ZFHX3: variants seen among roughly 807,000 people sequenced by gnomAD.
The protein encoded by ZFHX3 is zinc finger homeobox 3, also known as zinc finger homeobox protein 3.
Under a neutral mutation model 279.1 loss-of-function variants are expected in ZFHX3, and 42 were observed. The ratio of observed to expected loss-of-function variants is 0.15; its 90% CI spans 0.12 to 0.19. ZFHX3 has a LOEUF of 0.19. Ranked by LOEUF, ZFHX3 falls within the 10% of genes least tolerant of loss-of-function variation. The pLI is 1.00. For synonymous variants in ZFHX3, 2,293 were observed against 1,957.8 expected, an observed-to-expected ratio of 1.17 and a Z score of -4.52; for missense variants, 4,981 against 4,754.0, an observed-to-expected ratio of 1.05 and a Z score of -1.40.
chr16:73,101,164 A>G (rs1414821707), intron 7 of ZFHX3, among the ~76,000 whole-genome samples: 1 of 151,834 alleles, frequency 6.6e-6, no homozygotes, highest in Non-Finnish European at 1.5e-5. Flanking sequence ...TTCCTCTCCA[A>G]CCTGTTTGTA....
intron 2 of ZFHX3, among the ~76,000 whole-genome samples, chr16:73,501,603 C>A (rs2019239711): frequency 6.6e-6 from 1 of 152,182 alleles, no homozygotes; most frequent in African/African-American, 2.4e-5. Context: ...AACAGGAATA[C>A]AAGTCTCTTT....
At chr16:73,720,063 G>A (rs1304193266) in intron 1 of ZFHX3, among the ~76,000 whole-genome samples, 1 of 152,130 alleles carries the variant, frequency 6.6e-6, no homozygotes, top group Admixed American at 6.5e-5. Context: ...GGTTCACAAA[G>A]GAGAAATATA....
intron 4 of ZFHX3, among the ~76,000 whole-genome samples, chr16:72,846,088 C>T (rs953238936): frequency 1.2e-4 from 18 of 152,194 alleles, no homozygotes; most frequent in African/African-American, 3.6e-4. Context: ...GTGAACACAA[C>T]AGGAAAGCCC....
In ZFHX3 at chr16:73,013,588, A is replaced by G. The variant is rs141617564; in HGVS notation, c.-50+34164T>C. Among the ~76,000 whole-genome samples the G allele has an allele frequency of 7.8e-3, 1,186 of 152,266 alleles. 15 individuals carry two copies. The highest frequency in any genetic ancestry group is 0.027 in the Middle Eastern group (8 of 294). On this transcript the variant is annotated intron_variant, in intron 1 of 9. Coordinates refer to ENST00000268489, the MANE Select transcript of ZFHX3 (RefSeq NM_006885.4). ...CAGGCCTGAACCACGGTGCCTGGCC[A>G]AAAACCCTTTATAAACACTCTCTTT...
chr16:73,843,836 CA>C (rs1961377243), intron 1 of ZFHX3, among the ~76,000 whole-genome samples: 1 of 152,192 alleles, frequency 6.6e-6, no homozygotes, highest in Non-Finnish European at 1.5e-5. Flanking sequence ...TGTCGTATGA[CA>C]ACAGCCACAG....
At chr16:73,216,976 G>C (rs1275737021) in intron 5 of ZFHX3, among the ~76,000 whole-genome samples, 1 of 152,174 alleles carries the variant, frequency 6.6e-6, no homozygotes, top group Non-Finnish European at 1.5e-5. Context: ...GTCCACTTAA[G>C]TTCTCCCTTA....
At chr16:72,833,651 G>A (rs2143743180) in intron 4 of ZFHX3, among the ~76,000 whole-genome samples, 1 of 152,208 alleles carries the variant, frequency 6.6e-6, no homozygotes, top group Admixed American at 6.5e-5. Flanking sequence ...CTTTCCCAAG[G>A]GCGTGGCCAG....
At chr16:73,769,773 G>T (rs994611683) in intron 1 of ZFHX3, among the ~76,000 whole-genome samples, 9 of 152,082 alleles carry the variant, frequency 5.9e-5, no homozygotes, top group African/African-American at 1.7e-4. Flanking sequence ...TGTACCCAGG[G>T]TTCAGGACAT....
chr16:73,632,061 G>C (rs2052478065), intron 2 of ZFHX3, among the ~76,000 whole-genome samples: 1 of 152,146 alleles, frequency 6.6e-6, no homozygotes, highest in South Asian at 2.1e-4. Flanking sequence ...GAAAAGAGGA[G>C]CTGGGAAGAA....
chr16:72,939,111 G>C (rs1336455183), intron 3 of ZFHX3, among the ~76,000 whole-genome samples: 1 of 152,248 alleles, frequency 6.6e-6, no homozygotes, highest in East Asian at 1.9e-4. Flanking sequence ...TAGAAAACAA[G>C]AGACATGGCG....
At chr16:73,580,512 A>AAAC (rs76929519) in intron 2 of ZFHX3, among the ~76,000 whole-genome samples, 5,222 of 122,894 alleles carry the variant, frequency 0.042, 112 homozygotes, top group Middle Eastern at 0.17. Context: ...AACAAACAAA[A>AAAC]AAAAAAAAAC....
chr16:73,797,838 C>G (rs2639321), intron 1 of ZFHX3, among the ~76,000 whole-genome samples: 58,133 of 123,252 alleles, frequency 0.47, 14,286 homozygotes, highest in African/African-American at 0.7. Context: ...TTTTGAGAAG[C>G]AATTGCACTC....
chr16:73,813,987 G>T (rs1236546081), intron 1 of ZFHX3: 2 of 152,106 alleles, frequency 1.3e-5, no homozygotes, highest in African/African-American at 4.8e-5. Context: ...TCCTGTTATT[G>T]GGTATCACTC....
intron 3 of ZFHX3, among the ~76,000 whole-genome samples, chr16:73,338,254 A>T (rs1464202440): frequency 1.3e-5 from 2 of 151,926 alleles, no homozygotes; most frequent in Non-Finnish European, 2.9e-5. Flanking sequence ...GCCCCTAAGG[A>T]GTCTTGTCAC....
At chr16:72,927,685 G>A (rs943673011) in intron 3 of ZFHX3, among the ~76,000 whole-genome samples, 4 of 151,954 alleles carry the variant, frequency 2.6e-5, no homozygotes, top group African/African-American at 4.8e-5. Flanking sequence ...CTCCGGAGCC[G>A]CCCGGGGGAG....
chr16:73,660,217 A>G (rs1437399731), intron 2 of ZFHX3, among the ~76,000 whole-genome samples: 8 of 152,228 alleles, frequency 5.3e-5, no homozygotes, highest in Admixed American at 4.6e-4. Flanking sequence ...AAATAGTTCA[A>G]TAAAAAGCTT....
chr16:73,111,009 C>T (rs767014393), intron 7 of ZFHX3, among the ~76,000 whole-genome samples: 23 of 152,070 alleles, frequency 1.5e-4, no homozygotes, highest in African/African-American at 3.1e-4. Flanking sequence ...GGCATGATCT[C>T]GGCTCACTGC....
intron 7 of ZFHX3, among the ~76,000 whole-genome samples, chr16:73,118,919 C>G (rs1212768151): frequency 6.6e-6 from 1 of 152,084 alleles, no homozygotes; most frequent in African/African-American, 2.4e-5. Context: ...CCCATGCAGC[C>G]CATGGACTTT....
chr16:72,855,363 A>G (rs1457698899), intron 4 of ZFHX3, among the ~76,000 whole-genome samples: 3 of 152,240 alleles, frequency 2.0e-5, no homozygotes, highest in Non-Finnish European at 2.9e-5. Flanking sequence ...GAGTGAATGC[A>G]TTACATATGA....
Sources: gnomAD v4.1 joint callset for allele counts (sites outside exome capture counted in the v4.1 genomes callset) on GRCh38, gnomAD v4.1.1 for gene constraint, MANE v1.5 for transcripts, NCBI Gene and HGNC (gene_info 2026-07-23, HGNC 2026-07-21) for gene names.